ARSJ: variants seen among roughly 807,000 people sequenced by gnomAD.
ARSJ encodes arylsulfatase J.
Under a neutral mutation model 35.9 loss-of-function variants are expected in ARSJ, and 26 were observed. The observed-to-expected ratio is 0.72, with a 90% CI of 0.53 to 1.00. ARSJ has a LOEUF of 1.00. Among genes scored for constraint, ARSJ ranks in the 50% least tolerant of loss-of-function variants. ARSJ has a pLI of 0.00. For synonymous variants in ARSJ, 294 were observed against 267.6 expected (o/e 1.10, Z -0.96); for missense variants, 667 against 723.6 (o/e 0.92, Z 0.90).
intron 1 of ARSJ, chr4:113,946,094 A>G (rs1725462617): frequency 6.6e-6 from 1 of 152,052 alleles, no homozygotes; most frequent in Non-Finnish European, 1.5e-5. Context: ...TCACTTCTGT[A>G]AGTCACTTTT....
chr4:113,929,206 G>A (rs1724271193), intron 1 of ARSJ, among the ~76,000 whole-genome samples: 1 of 152,088 alleles, frequency 6.6e-6, no homozygotes, highest in South Asian at 2.1e-4. Context: ...CTTTTTGAGT[G>A]TAGAGCATCT....
chr4:113,976,294 TC>T (rs1255974613), intron 1 of ARSJ, among the ~76,000 whole-genome samples: 3 of 152,180 alleles, frequency 2.0e-5, no homozygotes. Context: ...ATAGTTTAGT[TC>T]ATTTCAGTTT....
intron 1 of ARSJ, among the ~76,000 whole-genome samples, chr4:113,906,180 A>G (rs1422888039): frequency 6.6e-6 from 1 of 152,216 alleles, no homozygotes; most frequent in Non-Finnish European, 1.5e-5. Flanking sequence ...GGAATCATTT[A>G]TGGGGATCAG....
At chr4:113,944,015 A>T (rs1027050413) in intron 1 of ARSJ, 12 of 152,052 alleles carry the variant, frequency 7.9e-5, no homozygotes, top group African/African-American at 2.9e-4. Context: ...AAGTTTTCCA[A>T]ATCTCCCTGG....
At chr4:113,929,067 G>A (rs1724261576) in intron 1 of ARSJ, among the ~76,000 whole-genome samples, 1 of 151,906 alleles carries the variant, frequency 6.6e-6, no homozygotes, top group South Asian at 2.1e-4. Context: ...CTACTTAGTG[G>A]GCCCAAATCA....
At chr4:113,916,988 C>T (rs549005777) in intron 1 of ARSJ, among the ~76,000 whole-genome samples, 5 of 152,256 alleles carry the variant, frequency 3.3e-5, no homozygotes, top group South Asian at 2.1e-4. Context: ...AACCAACTGA[C>T]GGATACATCT....
chr4:113,918,123 A>T (rs1337098752), intron 1 of ARSJ, among the ~76,000 whole-genome samples: 1 of 152,210 alleles, frequency 6.6e-6, no homozygotes, highest in Non-Finnish European at 1.5e-5. Context: ...CTCTTGATGC[A>T]GTAACAAAGA....
rs568898701 is a variant in ARSJ, at chr4:113,942,053, C to T, written c.398+36384G>A. Among the ~76,000 whole-genome samples, 81 of 151,874 alleles carry T rather than the reference C, an allele frequency of 5.3e-4. 2 individuals are homozygous for T. The Middle Eastern group carries it at 0.01, about 19-fold the overall frequency. On this transcript the variant is annotated intron_variant, in intron 1 of 1. Coordinates refer to ENST00000315366, the MANE Select transcript of ARSJ (RefSeq NM_024590.4). Reference sequence around the variant, plus strand: ...GATACCTAGGAAGGCAGATTGGATTCCAGTTACAAGGAATCTTGTTAAGTA... The same window carrying T: ...GATACCTAGGAAGGCAGATTGGATTTCAGTTACAAGGAATCTTGTTAAGTA...
intron 1 of ARSJ, among the ~76,000 whole-genome samples, chr4:113,929,368 G>A (rs1258378435): frequency 6.6e-6 from 1 of 152,072 alleles, no homozygotes; most frequent in African/African-American, 2.4e-5. Flanking sequence ...CATCACTGTT[G>A]CCTCAGGCAG....
intron 1 of ARSJ, among the ~76,000 whole-genome samples, chr4:113,939,469 C>T (rs1219598083): frequency 1.3e-5 from 2 of 152,088 alleles, no homozygotes; most frequent in Non-Finnish European, 2.9e-5. Context: ...AGTTCTAGAG[C>T]CCCGAGGAAT....
chr4:113,955,977 T>C (rs1317419293), intron 1 of ARSJ, among the ~76,000 whole-genome samples: 1 of 152,108 alleles, frequency 6.6e-6, no homozygotes, highest in Non-Finnish European at 1.5e-5. Flanking sequence ...AAACTGAACA[T>C]TTGAAAACAT....
At chr4:113,965,001 AG>A (rs1485546903) in intron 1 of ARSJ, among the ~76,000 whole-genome samples, 2 of 152,184 alleles carry the variant, frequency 1.3e-5, no homozygotes, top group African/African-American at 4.8e-5. Context: ...AAGATTGTAT[AG>A]GAACTAGGTA....
chr4:113,969,012 A>G (rs962327412), intron 1 of ARSJ, among the ~76,000 whole-genome samples: 1 of 152,228 alleles, frequency 6.6e-6, no homozygotes, highest in African/African-American at 2.4e-5. Context: ...AAAGCTGGAT[A>G]AGATATATTA....
intron 1 of ARSJ, among the ~76,000 whole-genome samples, chr4:113,907,730 G>A (rs79465087): frequency 0.057 from 8,655 of 152,116 alleles, 326 homozygotes; most frequent in East Asian, 0.11. Flanking sequence ...AATGTGGTAC[G>A]TATAACCCAC....
At chr4:113,975,563 C>G (rs376468325) in intron 1 of ARSJ, among the ~76,000 whole-genome samples, 43 of 152,274 alleles carry the variant, frequency 2.8e-4, no homozygotes, top group African/African-American at 9.9e-4. Flanking sequence ...TTTATCTCAT[C>G]AGGACAACTG....
intron 1 of ARSJ, among the ~76,000 whole-genome samples, chr4:113,964,675 T>C (rs1014472172): frequency 6.6e-6 from 1 of 152,002 alleles, no homozygotes; most frequent in Non-Finnish European, 1.5e-5. Flanking sequence ...GAGACAAAGA[T>C]GGCAATAAAT....
At chr4:113,928,918 G>C (rs916984348) in intron 1 of ARSJ, among the ~76,000 whole-genome samples, 2 of 152,060 alleles carry the variant, frequency 1.3e-5, no homozygotes, top group African/African-American at 4.8e-5. Context: ...ATCCCTTCCT[G>C]TACATTAAAC....
At chr4:113,977,255 C>T (rs936790160) in intron 1 of ARSJ, among the ~76,000 whole-genome samples, 1 of 152,156 alleles carries the variant, frequency 6.6e-6, no homozygotes, top group Admixed American at 6.5e-5. Flanking sequence ...TTTAAAATGA[C>T]CCTGAAGTAC....
At chr4:113,974,232 A>T (rs1270603615) in intron 1 of ARSJ, among the ~76,000 whole-genome samples, 1 of 152,146 alleles carries the variant, frequency 6.6e-6, no homozygotes, top group Non-Finnish European at 1.5e-5. Context: ...AGAATCTCTT[A>T]AATAGGACAT....
Sources: allele counts gnomAD v4.1 joint callset (sites outside exome capture counted in the v4.1 genomes callset), GRCh38; gene constraint gnomAD v4.1.1; transcripts MANE v1.5; gene names NCBI Gene and HGNC (gene_info 2026-07-23, HGNC 2026-07-21).